The following SLC12A8 variants were observed in gnomAD, a reference collection of about 807,000 sequenced individuals.
The protein encoded by SLC12A8 is solute carrier family 12 member 8.
SLC12A8 carries 69 observed loss-of-function variants against 75.6 expected under a neutral mutation model. The ratio of observed to expected loss-of-function variants is 0.91; its 90% CI spans 0.75 to 1.11. The LOEUF is 1.11. Among genes scored for constraint, SLC12A8 ranks in the 50% most tolerant of loss-of-function variants. The pLI is 0.00. For missense variants in SLC12A8, 877 were observed against 896.7 expected, an observed-to-expected ratio of 0.98 and a Z score of 0.28; for synonymous variants, 365 against 372.8, an observed-to-expected ratio of 0.98 and a Z score of 0.24.
At chr3:125,173,711 A>C (rs1934458605) in intron 5 of SLC12A8, among the ~76,000 whole-genome samples, 1 of 152,232 alleles carries the variant, frequency 6.6e-6, no homozygotes, top group Non-Finnish European at 1.5e-5. Context: ...AAAGAATGAA[A>C]GAACCAACCA....
chr3:125,099,218 C>T (rs1411315385), intron 10 of SLC12A8, among the ~76,000 whole-genome samples: 1 of 152,146 alleles, frequency 6.6e-6, no homozygotes, highest in Non-Finnish European at 1.5e-5. Context: ...GGAAGCAAGG[C>T]TAAACACATA....
intron 13 of SLC12A8, among the ~76,000 whole-genome samples, chr3:125,086,491 C>T (rs935674934): frequency 1.3e-5 from 2 of 152,178 alleles, no homozygotes; most frequent in Non-Finnish European, 2.9e-5. Flanking sequence ...CATTTTTAGG[C>T]TTTAAAACCA....
rs1414471748 is a variant in SLC12A8, at chr3:125,177,834, T to C, written c.531A>G (p.Lys177=). Residue 177 remains lysine, a synonymous_variant, in exon 5 of 14, where the codon AAA becomes AAG. Transcript: ENST00000469902. ...ACAGCAGCTGGAGGCGGATTATCCATTTGACACCTGCGAGGTTAATGCCCA... is the reference window on the plus strand; with the variant it reads ...ACAGCAGCTGGAGGCGGATTATCCACTTGACACCTGCGAGGTTAATGCCCA... The part of the protein sequence containing the change: ...ALLGINLAGV[K]WIIRLQLLLL... The C allele has an allele frequency of 6.2e-7, 1 of 1,614,016 alleles. No homozygotes were observed. The highest frequency in any genetic ancestry group is 8.5e-7 in the Non-Finnish European group (1 of 1,180,036).
At chr3:125,135,538 CA>C in intron 6 of SLC12A8, 130 bp downstream of exon 6, 1 of 505,036 alleles carries the variant, frequency 2.0e-6, no homozygotes, top group Non-Finnish European at 3.5e-6. Context: ...AAATTTTAGT[CA>C]AAGCTAAGCC....
intron 6 of SLC12A8, among the ~76,000 whole-genome samples, chr3:125,133,895 CAA>C (rs1283340655): frequency 6.6e-6 from 1 of 152,020 alleles, no homozygotes; most frequent in Non-Finnish European, 1.5e-5. Context: ...TTCATCCCCC[CAA>C]AGTTTCCTTC....
At chr3:125,108,485 C>G (rs1378709048) in intron 9 of SLC12A8, among the ~76,000 whole-genome samples, 1 of 152,094 alleles carries the variant, frequency 6.6e-6, no homozygotes, top group East Asian at 1.9e-4. Context: ...CCTCCCACCT[C>G]AGCATCCTGA....
In SLC12A8 at chr3:125,107,870, G is replaced by A; in HGVS notation, c.1316C>T (p.Pro439Leu). 6.2e-7 allele frequency: 1 copy of A among 1,614,176 alleles called. No individual in the cohort carries two copies. The highest frequency in any genetic ancestry group is 1.7e-5 in the Admixed American group (1 of 60,022). The change falls in exon 10 of 14, where the codon CCC becomes CTC. Residue 439 changes from proline (P) to leucine (L), a missense_variant. Transcript: ENST00000469902. ...GGCAGGTCCCTCAGAGCCGTAACTG[G>A]GAGCTTTCTCTAAGAGCAGGTGCTC... ...CSEHLLLEKA[P>L]SYGSEGPAQR...
chr3:125,201,702 GAAAA>G (rs141256499), intron 2 of SLC12A8, among the ~76,000 whole-genome samples: 6 of 95,544 alleles, frequency 6.3e-5, no homozygotes, highest in Admixed American at 1.2e-4. Flanking sequence ...AGCCATGATT[GAAAA>G]AAAAAAAAAA....
intron 10 of SLC12A8, among the ~76,000 whole-genome samples, chr3:125,093,080 T>C (rs542821683): frequency 2.0e-5 from 3 of 152,226 alleles, no homozygotes; most frequent in Non-Finnish European, 2.9e-5. Context: ...AGTGAAGACA[T>C]GAGGCATTTG....
chr3:125,172,858 C>T lies in SLC12A8; in HGVS notation c.622+4885G>A, dbSNP rs576831908. On this transcript the variant is annotated intron_variant, in intron 5 of 13. Transcript: ENST00000469902. ...AGAAATAAAGTTAGGCTTAAGTGTACTTTAAAAAAACTTTTTTTCTGATTT... is the reference window on the plus strand; with the variant it reads ...AGAAATAAAGTTAGGCTTAAGTGTATTTTAAAAAAACTTTTTTTCTGATTT... Among the ~76,000 whole-genome samples the T allele has an allele frequency of 1.5e-4, 23 of 152,248 alleles. No homozygotes were observed. In the South Asian group the frequency reaches 3.9e-3, roughly 26 times the overall value.
At chr3:125,155,217 T>C (rs569819289) in intron 5 of SLC12A8, among the ~76,000 whole-genome samples, 1 of 152,284 alleles carries the variant, frequency 6.6e-6, no homozygotes, top group East Asian at 1.9e-4. Context: ...ACTGTGTTAC[T>C]TCCCTTGCTC....
chr3:125,119,065 T>A, intron 7 of SLC12A8: 1 of 452,922 alleles, frequency 2.2e-6, no homozygotes, highest in Non-Finnish European at 4.0e-6. Context: ...GGTACCATTG[T>A]TTTGTTTCTT....
chr3:125,091,447 A>T lies in SLC12A8; in HGVS notation c.1913T>A (p.Leu638His), dbSNP rs766926175. The T allele has an allele frequency of 1.5e-5, 24 of 1,612,602 alleles. No homozygotes were observed. Among genetic ancestry groups the T allele is most frequent in the East Asian group, 2.2e-5 (1 of 44,880 alleles). Reference sequence around the variant, plus strand: ...ATGGCTCTGCTGCTTACCAAGGTGAAGCCCTGGACTGGCCCGGCCAATGTA... The same window carrying T: ...ATGGCTCTGCTGCTTACCAAGGTGATGCCCTGGACTGGCCCGGCCAATGTA... ...YFYIGRASPG[L>H]HLGSASNFSF... The change falls in exon 12 of 14, where the codon CTT becomes CAT. Residue 638 changes from leucine to histidine, a missense_variant. Leu to His is a moderately conservative substitution (Grantham distance 99). Transcript: ENST00000469902.
chr3:125,118,057 C>T (rs1939356482), intron 8 of SLC12A8, among the ~76,000 whole-genome samples: 1 of 152,270 alleles, frequency 6.6e-6, no homozygotes, highest in African/African-American at 2.4e-5. Flanking sequence ...TCCTTCTCCA[C>T]TTGCCACTTC....
chr3:125,101,019 C>CAAAAA (rs59602383), intron 10 of SLC12A8, among the ~76,000 whole-genome samples: 1,146 of 86,672 alleles, frequency 0.013, 34 homozygotes, highest in Admixed American at 0.032. Context: ...GACTCCGTCT[C>CAAAAA]AAAAAAAAAA....
chr3:125,170,710 G>T (rs493370), intron 5 of SLC12A8, among the ~76,000 whole-genome samples: 3 of 151,806 alleles, frequency 2.0e-5, no homozygotes, highest in African/African-American at 4.8e-5. Flanking sequence ...GTCAGGAGAT[G>T]GAGACCATCC....
chr3:125,151,743 T>C (rs980721616), intron 5 of SLC12A8, among the ~76,000 whole-genome samples: 1 of 152,258 alleles, frequency 6.6e-6, no homozygotes, highest in Non-Finnish European at 1.5e-5. Context: ...ATCGTATTTA[T>C]AGTAGTTGCT....
intron 3 of SLC12A8, among the ~76,000 whole-genome samples, chr3:125,189,577 G>C (rs79305944): frequency 6.6e-6 from 1 of 152,226 alleles, no homozygotes; most frequent in South Asian, 2.1e-4. Context: ...AGGGCGGGGC[G>C]GGGAAGAGAG....
chr3:125,127,767 G>A (rs145432205), intron 6 of SLC12A8, among the ~76,000 whole-genome samples: 67 of 151,876 alleles, frequency 4.4e-4, no homozygotes, highest in Admixed American at 3.4e-3. Flanking sequence ...AAGTATTGTC[G>A]ATATTTATAA....
Sources: allele counts gnomAD v4.1 joint callset (sites outside exome capture counted in the v4.1 genomes callset), GRCh38; gene constraint gnomAD v4.1.1; transcripts MANE v1.5; gene names NCBI Gene and HGNC (gene_info 2026-07-23, HGNC 2026-07-21).